BAG1: variants seen among roughly 807,000 people sequenced by gnomAD.
The protein encoded by BAG1 is BAG family molecular chaperone regulator 1.
Under a neutral mutation model 35.5 loss-of-function variants are expected in BAG1, and 35 were observed. That is an observed-to-expected ratio of 0.99 (90% CI 0.75 to 1.31). The LOEUF (loss-of-function observed/expected upper bound fraction) is 1.31, where lower values mean the gene tolerates loss of function less well. Ranked by LOEUF, BAG1 falls within the 50% of genes most tolerant of loss-of-function variation. The probability of loss-of-function intolerance (pLI) is 0.00; values close to 1 mark genes in which losing one functional copy is unlikely to be tolerated. For synonymous variants in BAG1, 191 were observed against 178.9 expected, an observed-to-expected ratio of 1.07 and a Z score of -0.54; for missense variants, 464 against 453.6, an observed-to-expected ratio of 1.02 and a Z score of -0.21.
chr9:33,256,079 G>A, intron 5 of BAG1, 152 bp from the exon 6 acceptor site: 1 of 718,340 alleles, frequency 1.4e-6, no homozygotes, highest in Non-Finnish European at 2.4e-6. Context: ...TCCATTTTCA[G>A]GAACCCTTTC....
In BAG1 at chr9:33,263,432, TGAA is replaced by T. The variant is rs571458267; in HGVS notation, c.452-605_452-603del. ...ATACGAACAGCAGAGCCTTTCTTTC[TGAA>T]GAAGAGACGCCAATTCTTTTCCAGG... On this transcript the variant is annotated intron_variant, in intron 1 of 6. Coordinates refer to ENST00000634734, the MANE Select transcript of BAG1 (RefSeq NM_004323.6). Among the ~76,000 whole-genome samples the T allele has an allele frequency of 2.6e-3, 397 of 152,332 alleles. 1 individual carries two copies. Among genetic ancestry groups the T allele is most frequent in the African/African-American group, 8.2e-3 (340 of 41,572 alleles).
intron 2 of BAG1, chr9:33,262,341 A>G (rs1043202217): frequency 4.2e-5 from 51 of 1,202,792 alleles, no homozygotes; most frequent in Middle Eastern, 3.0e-4. Flanking sequence ...TCCTTTGGCC[A>G]TAAGGAAAAG....
At chr9:33,262,856 G>A (rs758750025) in intron 1 of BAG1, 26 bp from the exon 2 acceptor site, 83 of 1,608,628 alleles carry the variant, frequency 5.2e-5, no homozygotes, top group Non-Finnish European at 7.0e-5. Context: ...AGCATTTGAC[G>A]AATATGATTC....
intron 3 of BAG1, chr9:33,260,382 T>C (rs1011137240): frequency 2.0e-5 from 3 of 152,266 alleles, no homozygotes; most frequent in African/African-American, 7.2e-5. Flanking sequence ...TCCCAAATTA[T>C]TCACTTCTCT....
At position 33,264,277 on chromosome 9, in the gene BAG1, T is replaced by A; in HGVS notation, c.398A>T (p.Glu133Val). The change falls in exon 1 of 7, where the codon GAG (glutamate) becomes GTG (valine). Residue 133 changes from glutamate to valine, a missense_variant. Glu to Val is a moderately radical substitution (Grantham distance 121). Coordinates refer to ENST00000634734, the MANE Select transcript of BAG1 (RefSeq NM_004323.6). ...TGCCGCCATTTCCTCCCTGGTCACC[T>A]CCTCGCTCCGGGTCGACTCCTCGTC... is the stretch of plus-strand genomic sequence containing the variant. 1 of 1,613,700 alleles carries A rather than the reference T, an allele frequency of 6.2e-7. No homozygotes were observed. Among genetic ancestry groups the A allele is most frequent in the Non-Finnish European group, 8.5e-7 (1 of 1,179,926 alleles).
chr9:33,255,882 A>G lies in BAG1; in HGVS notation c.931T>C (p.Leu311=). 6.2e-7 allele frequency: 1 copy of G among 1,614,060 alleles called. No individual in the cohort carries two copies. Among genetic ancestry groups the G allele is most frequent in the Non-Finnish European group, 8.5e-7 (1 of 1,179,918 alleles). ...CAACTCACCTGAACCTTTTTTACCA[A>G]GCCTTTCCTTTTCAATCTACTGTCT... The change falls in exon 6 of 7, where the codon TTG becomes CTG. Residue 311 remains leucine (L), a synonymous_variant. Transcript: ENST00000634734.
At chr9:33,259,809 C>T (rs1008894215) in intron 3 of BAG1, 5 of 152,156 alleles carry the variant, frequency 3.3e-5, no homozygotes, top group African/African-American at 7.2e-5. Flanking sequence ...TGGTTAACAA[C>T]GATGAATACT....
intron 1 of BAG1, among the ~76,000 whole-genome samples, chr9:33,263,467 G>A (rs1029514523): frequency 2.0e-5 from 3 of 152,224 alleles, no homozygotes; most frequent in Non-Finnish European, 2.9e-5. Context: ...CAGGGATGCG[G>A]ACAGCAAGGA....
In BAG1 at chr9:33,258,940, CT is replaced by C; in HGVS notation, c.756del (p.Glu253SerfsTer26). 6.2e-7 allele frequency: 1 copy of C among 1,614,118 alleles called. No individual in the cohort carries two copies. Among genetic ancestry groups the C allele is most frequent in the Non-Finnish European group, 8.5e-7 (1 of 1,179,950 alleles). ...GTTACCTGCTGGATTCCAGTAAGCT[CT>C]TTATTCAACTCTTCCAGCTGGTCAG... is the stretch of plus-strand genomic sequence containing the variant. On this transcript the variant is annotated frameshift_variant, in exon 4 of 7. Coordinates refer to ENST00000634734, the MANE Select transcript of BAG1 (RefSeq NM_004323.6). LOFTEE classifies it high-confidence loss of function.
At position 33,255,124 on chromosome 9, in the gene BAG1, C is replaced by CA. The variant is rs1312008248; in HGVS notation, c.*94dup. The CA allele has an allele frequency of 2.5e-6, 4 of 1,612,736 alleles. No homozygotes were observed. The highest frequency in any genetic ancestry group is 3.4e-6 in the Non-Finnish European group (4 of 1,179,476). ...AAATTGGCAAATGGCCAGTTGCCCC[C>CA]AGCAGCCCTGAAGAAATCAGGTAAA... On this transcript the variant is annotated 3_prime_UTR_variant, in exon 7 of 7. Transcript: ENST00000634734.
chr9:33,255,507 C>G (rs567371786), intron 6 of BAG1, among the ~76,000 whole-genome samples, 199 bp from the exon 7 acceptor site: 3 of 152,338 alleles, frequency 2.0e-5, no homozygotes, highest in Admixed American at 6.5e-5. Flanking sequence ...TGACCATGCT[C>G]TAGGCCAGCA....
chr9:33,264,282 G>A lies in BAG1; in HGVS notation c.393C>T (p.Ser131=), dbSNP rs759508260. The A allele has an allele frequency of 1.9e-6, 3 of 1,613,766 alleles. No homozygotes were observed. Among genetic ancestry groups the A allele is most frequent in the East Asian group, 2.2e-5 (1 of 44,860 alleles). The change falls in exon 1 of 7, where the codon AGC becomes AGT. Residue 131 remains serine (S), a synonymous_variant. Transcript: ENST00000634734. ...CCATTTCCTCCCTGGTCACCTCCTC[G>A]CTCCGGGTCGACTCCTCGTCCCGGG...
Position 33,261,172 on chromosome 9 carries a change from A to C in BAG1, c.581-3T>G. The C allele has an allele frequency of 4.4e-6, 7 of 1,604,318 alleles. No individual in the cohort carries two copies. The highest frequency in any genetic ancestry group is 5.1e-6 in the Non-Finnish European group (6 of 1,175,088). On this transcript the variant is annotated splice_polypyrimidine_tract_variant and splice_region_variant and intron_variant, in intron 2 of 6. Transcript: ENST00000634734. ...TTCCATTTCCTTCAGAGATTTTCCT[A>C]AAAAGAGGAGAAAGGTAGGCCAAGT... is the stretch of plus-strand genomic sequence containing the variant.
At chr9:33,255,743 A>G (rs1820439196) in intron 6 of BAG1, 122 bp downstream of exon 6, 2 of 1,064,480 alleles carry the variant, frequency 1.9e-6, no homozygotes, top group Non-Finnish European at 2.8e-6. Flanking sequence ...CTGCTGATAA[A>G]TATAACCAAA....
At chr9:33,257,715 C>G (rs1312357838) in intron 4 of BAG1, 1 of 152,158 alleles carries the variant, frequency 6.6e-6, no homozygotes, top group Admixed American at 6.5e-5. Context: ...ATGAACAATA[C>G]AGAGTTGGCT....
intron 2 of BAG1, chr9:33,261,911 A>G (rs902110637): frequency 3.0e-6 from 3 of 985,288 alleles, no homozygotes; most frequent in Non-Finnish European, 3.6e-6. Flanking sequence ...GTTTGCTCAA[A>G]ACCTCCTTTG....
chr9:33,262,263 A>C, intron 2 of BAG1: 1 of 1,260,944 alleles, frequency 7.9e-7, no homozygotes, highest in Non-Finnish European at 1.0e-6. Flanking sequence ...GAATAAACAA[A>C]TAAATAAAAA....
At position 33,264,266 on chromosome 9, in the gene BAG1, C is replaced by G. The variant is rs772510502; in HGVS notation, c.409G>C (p.Glu137Gln). The G allele has an allele frequency of 3.1e-6, 5 of 1,613,504 alleles. No individual in the cohort carries two copies. The highest frequency in any genetic ancestry group is 2.5e-6 in the Non-Finnish European group (3 of 1,179,866). ...GTGAGCCCAGCTGCCGCCATTTCCTCCCTGGTCACCTCCTCGCTCCGGGTC... is the reference window on the plus strand; with the variant it reads ...GTGAGCCCAGCTGCCGCCATTTCCTGCCTGGTCACCTCCTCGCTCCGGGTC... The change falls in exon 1 of 7, where the codon GAG becomes CAG. Residue 137 changes from glutamate (E) to glutamine (Q), a missense_variant. Glu to Gln is a conservative substitution (Grantham distance 29, BLOSUM62 2). Coordinates refer to ENST00000634734, the MANE Select transcript of BAG1 (RefSeq NM_004323.6).
At chr9:33,256,700 T>A (rs1820459939) in intron 5 of BAG1, 101 bp downstream of exon 5, 1 of 939,796 alleles carries the variant, frequency 1.1e-6, no homozygotes, top group African/African-American at 1.6e-5. Flanking sequence ...TCTCAAGTGA[T>A]GGGTTTGCTC....
Sources: allele counts gnomAD v4.1 joint callset (sites outside exome capture counted in the v4.1 genomes callset), GRCh38; gene constraint gnomAD v4.1.1; transcripts MANE v1.5; gene names NCBI Gene and HGNC (gene_info 2026-07-23, HGNC 2026-07-21).